The following NRXN3 variants were observed in gnomAD, a reference collection of about 807,000 sequenced individuals.
The protein encoded by NRXN3 is neurexin III.
A neutral mutation model predicts 137.6 loss-of-function variants in NRXN3; 32 were observed. The ratio of observed to expected loss-of-function variants is 0.23; its 90% CI spans 0.18 to 0.31. The LOEUF (loss-of-function observed/expected upper bound fraction) is 0.31. NRXN3 is among the 10% of genes least tolerant of loss of function. The pLI is 1.00. For missense variants in NRXN3, 1,574 were observed against 2,062.5 expected, an observed-to-expected ratio of 0.76 and a Z score of 4.59; for synonymous variants, 798 against 784.5, an observed-to-expected ratio of 1.02 and a Z score of -0.29.
chr14:79,311,639 A>C (rs1447979287), intron 15 of NRXN3, among the ~76,000 whole-genome samples: 2 of 124,770 alleles, frequency 1.6e-5, no homozygotes, highest in African/African-American at 5.9e-5. Flanking sequence ...TCAGAAATTC[A>C]ACTTCTTCCT....
At chr14:79,226,102 G>T (rs2153252658) in intron 15 of NRXN3, among the ~76,000 whole-genome samples, 1 of 152,182 alleles carries the variant, frequency 6.6e-6, no homozygotes, top group South Asian at 2.1e-4. Flanking sequence ...TTAGGATGTG[G>T]ACGTCTTTCA....
chr14:79,223,969 T>C (rs770311700), intron 15 of NRXN3, among the ~76,000 whole-genome samples: 55 of 152,146 alleles, frequency 3.6e-4, no homozygotes, highest in Non-Finnish European at 3.8e-4. Flanking sequence ...TGTTACCATA[T>C]GTTGGTTCTG....
At chr14:78,593,091 C>T (rs1267465896) in intron 4 of NRXN3, among the ~76,000 whole-genome samples, 1 of 152,194 alleles carries the variant, frequency 6.6e-6, no homozygotes, top group African/African-American at 2.4e-5. Flanking sequence ...CCACACTTTC[C>T]TCCTCGGTGC....
intron 15 of NRXN3, among the ~76,000 whole-genome samples, chr14:79,176,210 A>C (rs892009768): frequency 1.3e-5 from 2 of 152,104 alleles, no homozygotes; most frequent in Non-Finnish European, 2.9e-5. Flanking sequence ...CTTCTGCCTC[A>C]CTCCACTAGA....
chr14:79,286,978 G>A (rs1357955668), intron 15 of NRXN3, among the ~76,000 whole-genome samples: 1 of 152,148 alleles, frequency 6.6e-6, no homozygotes, highest in Non-Finnish European at 1.5e-5. Flanking sequence ...AAACCAATGT[G>A]TACAGGTTAA....
chr14:78,255,917 T>C (rs1334490384), intron 2 of NRXN3, among the ~76,000 whole-genome samples: 1 of 152,186 alleles, frequency 6.6e-6, no homozygotes, highest in East Asian at 1.9e-4. Flanking sequence ...AATTAATCAA[T>C]GAAGTCAGGT....
intron 4 of NRXN3, among the ~76,000 whole-genome samples, chr14:78,579,161 C>T (rs976472470): frequency 8.5e-5 from 13 of 152,160 alleles, no homozygotes; most frequent in Non-Finnish European, 4.4e-5. Context: ...CACACGTACC[C>T]AGACACATTC....
At chr14:79,475,866 T>C (rs572328790) in intron 16 of NRXN3, among the ~76,000 whole-genome samples, 212 of 152,234 alleles carry the variant, frequency 1.4e-3, no homozygotes, top group Non-Finnish European at 2.6e-3. Context: ...GCACATATAC[T>C]GGGTTATTGC....
chr14:78,453,881 A>G (rs2094611236), intron 4 of NRXN3, among the ~76,000 whole-genome samples: 4 of 152,214 alleles, frequency 2.6e-5, no homozygotes, highest in Admixed American at 1.3e-4. Flanking sequence ...GAGGCATGAA[A>G]CAGACTCTCC....
intron 4 of NRXN3, among the ~76,000 whole-genome samples, chr14:78,428,378 C>A (rs947600751): frequency 6.6e-6 from 1 of 152,156 alleles, no homozygotes; most frequent in Non-Finnish European, 1.5e-5. Context: ...ATATGCCCAG[C>A]TGTATTCCCC....
chr14:79,218,920 G>A (rs114052039), intron 15 of NRXN3, among the ~76,000 whole-genome samples: 2,850 of 151,948 alleles, frequency 0.019, 91 homozygotes, highest in African/African-American at 0.066. Context: ...ATATATAAAG[G>A]GGTAAGAGTG....
At chr14:79,166,192 G>A (rs2061267393) in intron 15 of NRXN3, among the ~76,000 whole-genome samples, 1 of 151,984 alleles carries the variant, frequency 6.6e-6, no homozygotes, top group Admixed American at 6.6e-5. Context: ...ACACATGCTA[G>A]GTGGTCTGAA....
At chr14:78,795,173 A>T (rs568595087) in intron 8 of NRXN3, among the ~76,000 whole-genome samples, 12 of 152,224 alleles carry the variant, frequency 7.9e-5, no homozygotes, top group Non-Finnish European at 1.8e-4. Flanking sequence ...CGAGGAAATC[A>T]TAACTCTCTG....
chr14:78,703,953 G>T (rs2098318463), intron 6 of NRXN3: 1 of 152,250 alleles, frequency 6.6e-6, no homozygotes, highest in Non-Finnish European at 1.5e-5. Context: ...GCACTCCAGG[G>T]CACATGCCCA....
intron 8 of NRXN3, among the ~76,000 whole-genome samples, chr14:78,724,294 T>C (rs2152877793): frequency 6.6e-6 from 1 of 152,336 alleles, no homozygotes; most frequent in East Asian, 1.9e-4. Context: ...TTATCATGGG[T>C]TCTGTTTTAA....
At chr14:79,499,041 C>G (rs900971739) in intron 16 of NRXN3, among the ~76,000 whole-genome samples, 3 of 152,192 alleles carry the variant, frequency 2.0e-5, no homozygotes, top group Non-Finnish European at 2.9e-5. Context: ...CACTCTCACT[C>G]CCTGCCAATC....
chr14:78,918,871 G>A (rs1216036164), intron 10 of NRXN3, among the ~76,000 whole-genome samples: 1 of 152,098 alleles, frequency 6.6e-6, no homozygotes, highest in Non-Finnish European at 1.5e-5. Flanking sequence ...CACCATCCAG[G>A]TTTGTGTAAG....
At chr14:79,246,225 T>G (rs2075163934) in intron 15 of NRXN3, among the ~76,000 whole-genome samples, 1 of 152,198 alleles carries the variant, frequency 6.6e-6, no homozygotes, top group African/African-American at 2.4e-5. Context: ...TTCCATTCCT[T>G]GTTAGGCTAA....
intron 4 of NRXN3, among the ~76,000 whole-genome samples, chr14:78,443,927 GT>G (rs901437221): frequency 6.6e-6 from 1 of 152,046 alleles, no homozygotes; most frequent in Non-Finnish European, 1.5e-5. Context: ...AAGTAATTGT[GT>G]TTTTTTGTCA....
Sources: gnomAD v4.1 joint callset for allele counts (sites outside exome capture counted in the v4.1 genomes callset) on GRCh38, gnomAD v4.1.1 for gene constraint, MANE v1.5 for transcripts, NCBI Gene and HGNC (gene_info 2026-07-23, HGNC 2026-07-21) for gene names.